Variants in ZBTB20 observed in about 807,000 individuals in gnomAD.
ZBTB20 encodes zinc finger and BTB domain-containing protein 20.
ZBTB20 carries 9 observed loss-of-function variants against 56.9 expected under a neutral mutation model. That is an observed-to-expected ratio of 0.16 (90% confidence interval 0.10 to 0.28). The LOEUF is 0.28. Ranked by LOEUF, ZBTB20 falls within the 10% of genes least tolerant of loss-of-function variation. The probability of loss-of-function intolerance (pLI) is 1.00; values close to 1 mark genes in which losing one functional copy is unlikely to be tolerated. For missense variants in ZBTB20, 655 were observed against 1,003.0 expected, an observed-to-expected ratio of 0.65 and a Z score of 4.69; for synonymous variants, 417 against 420.7, an observed-to-expected ratio of 0.99 and a Z score of 0.11.
chr3:115,022,739 G>T (rs1448252864), intron 2 of ZBTB20, among the ~76,000 whole-genome samples: 4 of 150,924 alleles, frequency 2.7e-5, no homozygotes, highest in Non-Finnish European at 4.5e-5. Context: ...AAATATTATG[G>T]AAATGATAAA....
At chr3:114,624,718 G>C (rs984304806) in intron 6 of ZBTB20, among the ~76,000 whole-genome samples, 1 of 152,116 alleles carries the variant, frequency 6.6e-6, no homozygotes, top group Non-Finnish European at 1.5e-5. Flanking sequence ...GGGAAGGGGG[G>C]AAGGGTACGA....
At chr3:114,885,022 T>C (rs1336425680) in intron 4 of ZBTB20, among the ~76,000 whole-genome samples, 5 of 152,206 alleles carry the variant, frequency 3.3e-5, no homozygotes, top group African/African-American at 9.6e-5. Flanking sequence ...TCAGGAGATA[T>C]GGTTAAAATT....
intron 6 of ZBTB20, among the ~76,000 whole-genome samples, chr3:114,650,629 C>T (rs985363020): frequency 2.6e-5 from 4 of 151,774 alleles, no homozygotes; most frequent in Non-Finnish European, 4.4e-5. Flanking sequence ...TTTTAAAGGT[C>T]TTGGACATAA....
chr3:114,536,036 A>C (rs556934264), intron 6 of ZBTB20, among the ~76,000 whole-genome samples: 1 of 152,362 alleles, frequency 6.6e-6, no homozygotes, highest in South Asian at 2.1e-4. Flanking sequence ...TCCACAGCCA[A>C]TACCATACTG....
At chr3:114,951,464 T>C (rs2077065070) in intron 3 of ZBTB20, among the ~76,000 whole-genome samples, 2 of 152,124 alleles carry the variant, frequency 1.3e-5, no homozygotes. Context: ...TGTACATGCA[T>C]GGATCTGATG....
intron 4 of ZBTB20, among the ~76,000 whole-genome samples, chr3:114,854,646 T>C (rs1219364195): frequency 2.0e-5 from 3 of 152,224 alleles, no homozygotes; most frequent in Non-Finnish European, 4.4e-5. Flanking sequence ...TTAACGTCCC[T>C]GAATCTGTTT....
chr3:115,063,688 C>A (rs1372119213), intron 2 of ZBTB20, among the ~76,000 whole-genome samples: 3 of 151,840 alleles, frequency 2.0e-5, no homozygotes, highest in Non-Finnish European at 4.4e-5. Flanking sequence ...CACACAAACA[C>A]ACACACACAG....
chr3:114,703,891 T>C (rs2063548686), intron 5 of ZBTB20, among the ~76,000 whole-genome samples: 1 of 152,178 alleles, frequency 6.6e-6, no homozygotes, highest in Non-Finnish European at 1.5e-5. Context: ...GAGTTGCAAA[T>C]CACAGCCTGT....
At chr3:114,849,827 T>C (rs1024705334) in intron 4 of ZBTB20, among the ~76,000 whole-genome samples, 4 of 151,588 alleles carry the variant, frequency 2.6e-5, no homozygotes, top group South Asian at 4.2e-4. Context: ...AATTTAATCA[T>C]CTCCTCTACT....
At position 114,316,430 on chromosome 3, in the gene ZBTB20, G is replaced by A; in HGVS notation, c.*22575C>T. The A allele has an allele frequency of 2.1e-6, 1 of 466,662 alleles. No homozygotes were observed. The highest frequency in any genetic ancestry group is 1.6e-5 in the South Asian group (1 of 63,754). The allele number at this position is 466,662 out of a possible 1,614,324, so 28.9% of individuals were successfully genotyped here. Reference sequence around the variant, plus strand: ...GGTTTTGTAATGAGCATCTGGATTTGTAATGAGCATCTGATTTTGTTATGT... The same window carrying A: ...GGTTTTGTAATGAGCATCTGGATTTATAATGAGCATCTGATTTTGTTATGT... On this transcript the variant is annotated 3_prime_UTR_variant, in exon 12 of 12. Coordinates refer to ENST00000675478, the MANE Select transcript of ZBTB20 (RefSeq NM_001348800.3).
chr3:114,521,274 C>G (rs536344409), intron 6 of ZBTB20, among the ~76,000 whole-genome samples: 2 of 152,138 alleles, frequency 1.3e-5, no homozygotes, highest in Non-Finnish European at 2.9e-5. Flanking sequence ...GATCTGGGAA[C>G]ACCTTTCAAA....
chr3:115,020,638 T>C (rs1416348840), intron 2 of ZBTB20, among the ~76,000 whole-genome samples: 1 of 151,024 alleles, frequency 6.6e-6, no homozygotes, highest in Non-Finnish European at 1.5e-5. Context: ...AGAGACTTTA[T>C]TGTACTGTAC....
chr3:114,635,283 G>C (rs2059196519), intron 6 of ZBTB20, among the ~76,000 whole-genome samples: 1 of 152,120 alleles, frequency 6.6e-6, no homozygotes, highest in Non-Finnish European at 1.5e-5. Flanking sequence ...GCTCCCCAAG[G>C]TGTATGTCTC....
intron 5 of ZBTB20, among the ~76,000 whole-genome samples, chr3:114,794,995 C>G (rs1390289027): frequency 6.6e-6 from 1 of 152,072 alleles, no homozygotes; most frequent in Non-Finnish European, 1.5e-5. Context: ...CTACATTACA[C>G]AACAGCCACT....
At chr3:114,791,637 T>C (rs2070963736) in intron 5 of ZBTB20, 1 of 152,160 alleles carries the variant, frequency 6.6e-6, no homozygotes, top group Non-Finnish European at 1.5e-5. Flanking sequence ...TCTAACAAAG[T>C]CTTAAAATAT....
In ZBTB20 at chr3:115,037,925, T is replaced by C. The variant is rs72943835; in HGVS notation, c.-507+33294A>G. ...ATTTATTCTTTGTGGTTTTAGTACA[T>C]AGAATAATATTTTAATTTCCAAATA... On this transcript the variant is annotated intron_variant, in intron 2 of 11. Transcript: ENST00000675478. Among the ~76,000 whole-genome samples the C allele has an allele frequency of 5.9e-3, 903 of 152,338 alleles. 12 individuals are homozygous for C. Among genetic ancestry groups the C allele is most frequent in the African/African-American group, 0.021 (872 of 41,572 alleles).
intron 3 of ZBTB20, among the ~76,000 whole-genome samples, chr3:114,937,811 T>G (rs986274098): frequency 6.6e-6 from 1 of 152,176 alleles, no homozygotes; most frequent in South Asian, 2.1e-4. Context: ...TTTGTTTAAG[T>G]TCCTGGCCGG....
At chr3:114,364,599 T>G (rs1036222151) in intron 10 of ZBTB20, among the ~76,000 whole-genome samples, 1 of 152,226 alleles carries the variant, frequency 6.6e-6, no homozygotes, top group Non-Finnish European at 1.5e-5. Flanking sequence ...AGGACCACCA[T>G]GCATGCCTCT....
chr3:114,679,027 C>G (rs1048559933), intron 6 of ZBTB20, among the ~76,000 whole-genome samples: 8 of 152,126 alleles, frequency 5.3e-5, no homozygotes, highest in African/African-American at 1.9e-4. Context: ...CCCTGCAAGA[C>G]AGGTATCATA....
Sources: allele counts gnomAD v4.1 joint callset (sites outside exome capture counted in the v4.1 genomes callset), GRCh38; gene constraint gnomAD v4.1.1; transcripts MANE v1.5; gene names NCBI Gene and HGNC (gene_info 2026-07-23, HGNC 2026-07-21).